ZNF248: variants seen among roughly 807,000 people sequenced by gnomAD.
The protein encoded by ZNF248 is KRAB protein domain.
A neutral mutation model predicts 44.3 loss-of-function variants in ZNF248; 20 were observed. That is an observed-to-expected ratio of 0.45 (90% CI 0.32 to 0.66). ZNF248 has a LOEUF of 0.66. ZNF248 is among the 30% of genes least tolerant of loss of function. ZNF248 has a pLI of 0.04. For missense variants in ZNF248, 654 were observed against 677.0 expected (o/e 0.97, Z 0.38); for synonymous variants, 224 against 229.0 (o/e 0.98, Z 0.20).
chr10:37,834,894 G>C (rs2056788038), intron 5 of ZNF248, among the ~76,000 whole-genome samples: 1 of 152,132 alleles, frequency 6.6e-6, no homozygotes, highest in African/African-American at 2.4e-5. Flanking sequence ...ATAAATTTTA[G>C]GGAGCAGAAA....
chr10:37,832,009 G>A lies in ZNF248; in HGVS notation c.1346C>T (p.Ser449Leu). The part of the protein sequence containing the change: ...KQCGKTFCVK[S>L]NLTEHQRTHT... ...TGTTCTCTGATGTTCAGTGAGGTTT[G>A]ACTTCACACAGAATGTTTTTCCACA... The change falls in exon 6 of 6, where the codon TCA becomes TTA. Residue 449 changes from serine (S) to leucine (L), a missense_variant. Coordinates refer to ENST00000395867, the MANE Select transcript of ZNF248 (RefSeq NM_021045.3). The A allele has an allele frequency of 6.2e-7, 1 of 1,614,088 alleles. No individual in the cohort carries two copies. Among genetic ancestry groups the A allele is most frequent in the Non-Finnish European group, 8.5e-7 (1 of 1,179,946 alleles).
chr10:37,811,445 T>A (rs1485685559), intron 6 of ZNF248, among the ~76,000 whole-genome samples: 1 of 151,078 alleles, frequency 6.6e-6, no homozygotes, highest in African/African-American at 2.4e-5. Flanking sequence ...AATAAATAAA[T>A]AAAATAAAAA....
chr10:37,843,165 G>A (rs566832287), intron 3 of ZNF248, among the ~76,000 whole-genome samples: 2 of 152,250 alleles, frequency 1.3e-5, no homozygotes, highest in Non-Finnish European at 2.9e-5. Flanking sequence ...GCATATGGCC[G>A]AGCATGGTGG....
At chr10:37,805,945 A>G (rs2050495771) in intron 6 of ZNF248, among the ~76,000 whole-genome samples, 1 of 152,192 alleles carries the variant, frequency 6.6e-6, no homozygotes, top group African/African-American at 2.4e-5. Flanking sequence ...ACATGTACAT[A>G]TGAACATTTG....
At chr10:37,781,050 G>A (rs1259054314) in intron 6 of ZNF248, among the ~76,000 whole-genome samples, 1 of 152,170 alleles carries the variant, frequency 6.6e-6, no homozygotes, top group Non-Finnish European at 1.5e-5. Flanking sequence ...CCCTTGTAAT[G>A]TACTGGGTTT....
chr10:37,798,114 T>C (rs903508941), intron 6 of ZNF248, among the ~76,000 whole-genome samples: 1 of 152,124 alleles, frequency 6.6e-6, no homozygotes, highest in Admixed American at 6.6e-5. Flanking sequence ...ATCTGTACAA[T>C]GTAATACAAC....
At chr10:37,852,058 A>C (rs1298240484) in intron 3 of ZNF248, among the ~76,000 whole-genome samples, 1 of 152,014 alleles carries the variant, frequency 6.6e-6, no homozygotes, top group African/African-American at 2.4e-5. Flanking sequence ...GACCAGCCTG[A>C]CCAACATGGA....
downstream of ZNF248, among the ~76,000 whole-genome samples, chr10:37,773,759 G>T (rs2046369230): frequency 6.6e-6 from 1 of 152,058 alleles, no homozygotes; most frequent in Admixed American, 6.6e-5. Flanking sequence ...AGTTAGACTG[G>T]ATCACAGCCC....
At chr10:37,773,669 A>G (rs1459230280), downstream of ZNF248, among the ~76,000 whole-genome samples, 1 of 152,048 alleles carries the variant, frequency 6.6e-6, no homozygotes, top group Non-Finnish European at 1.5e-5. Flanking sequence ...CCATCCTCTT[A>G]CTGTCTCTTC....
At chr10:37,849,723 T>C (rs1310746474) in intron 3 of ZNF248, among the ~76,000 whole-genome samples, 1 of 151,708 alleles carries the variant, frequency 6.6e-6, no homozygotes, top group African/African-American at 2.4e-5. Context: ...TAAAGATGTT[T>C]TAGAAATAGA....
intron 6 of ZNF248, among the ~76,000 whole-genome samples, chr10:37,796,517 C>A (rs927838889): frequency 2.0e-5 from 3 of 152,050 alleles, no homozygotes; most frequent in African/African-American, 7.2e-5. Flanking sequence ...CAATACCTGG[C>A]AAATCTTTAA....
intron 3 of ZNF248, among the ~76,000 whole-genome samples, chr10:37,852,715 A>C (rs1341163286): frequency 3.4e-5 from 5 of 148,882 alleles, no homozygotes. Flanking sequence ...TATATATGTA[A>C]TATATGTATT....
intron 6 of ZNF248, among the ~76,000 whole-genome samples, chr10:37,788,876 CTT>C (rs58103226): frequency 1.4e-5 from 2 of 146,330 alleles, no homozygotes; most frequent in African/African-American, 2.5e-5. Flanking sequence ...TCTAGAAAGA[CTT>C]TTTTTTTTTT....
At chr10:37,779,643 T>C (rs1416435738) in intron 6 of ZNF248, among the ~76,000 whole-genome samples, 5 of 151,908 alleles carry the variant, frequency 3.3e-5, no homozygotes, top group Non-Finnish European at 7.4e-5. Context: ...CTATTCAACA[T>C]AGTGGTGGAA....
chr10:37,792,545 T>C lies in ZNF248; in HGVS notation c.331-15970A>G, dbSNP rs76274903. ...AACAAGAGTATGGAAAGGAAAACACTGTAACTTTACAGGTGAGAAACCAGA... is the reference window on the plus strand; with the variant it reads ...AACAAGAGTATGGAAAGGAAAACACCGTAACTTTACAGGTGAGAAACCAGA... On this transcript the variant is annotated intron_variant, in intron 6 of 6. Coordinates refer to the ZNF248 transcript ENST00000615949. 9.2e-3 allele frequency among the ~76,000 whole-genome samples: 1,401 copies of C among 152,238 alleles called. 7 individuals carry two copies. The highest frequency in any genetic ancestry group is 0.02 in the Middle Eastern group (6 of 294).
At chr10:37,789,575 T>C (rs771711676) in intron 6 of ZNF248, among the ~76,000 whole-genome samples, 6 of 152,190 alleles carry the variant, frequency 3.9e-5, no homozygotes, top group Non-Finnish European at 5.9e-5. Flanking sequence ...AGGTAAAACA[T>C]AATTATAGAA....
chr10:37,801,434 CA>C (rs199753739), intron 6 of ZNF248, among the ~76,000 whole-genome samples: 2 of 151,268 alleles, frequency 1.3e-5, no homozygotes, highest in South Asian at 2.1e-4. Flanking sequence ...AAATCAATTA[CA>C]AAAAAATCAA....
At chr10:37,776,479 G>A (rs2046595015), downstream of ZNF248, 1 of 397,786 alleles carries the variant, frequency 2.5e-6, no homozygotes, top group Non-Finnish European at 4.4e-6. Flanking sequence ...ACAACGTTCA[G>A]GTTAGAGAAG....
chr10:37,842,821 A>G (rs1296612848), intron 3 of ZNF248, among the ~76,000 whole-genome samples: 2 of 152,154 alleles, frequency 1.3e-5, no homozygotes, highest in Non-Finnish European at 2.9e-5. Flanking sequence ...GGGCTTTCAA[A>G]AAACCCCATA....
Sources: gnomAD v4.1 joint callset for allele counts (sites outside exome capture counted in the v4.1 genomes callset) on GRCh38, gnomAD v4.1.1 for gene constraint, MANE v1.5 for transcripts, NCBI Gene and HGNC (gene_info 2026-07-23, HGNC 2026-07-21) for gene names.